Variants in MAF observed in about 807,000 individuals in gnomAD.
MAF encodes transcription factor Maf.
Under a neutral mutation model 22.0 loss-of-function variants are expected in MAF, and 10 were observed. That is an observed-to-expected ratio of 0.45 (90% CI 0.28 to 0.77). The LOEUF (loss-of-function observed/expected upper bound fraction) is 0.77. Among genes scored for constraint, MAF ranks in the 30% least tolerant of loss-of-function variants. MAF has a pLI of 0.12. For synonymous variants in MAF, 337 were observed against 255.8 expected (o/e 1.32, Z -3.03); for missense variants, 544 against 548.4 (o/e 0.99, Z 0.08).
the MAF span, among the ~76,000 whole-genome samples, chr16:79,538,538 C>G: frequency 0.12 from 17,551 of 152,220 alleles, 1,145 homozygotes; most frequent in South Asian, 0.17. Context: ...AACCTGACTA[C>G]ACTTTATTTA....
the MAF span, among the ~76,000 whole-genome samples, chr16:79,460,904 A>T: frequency 1.3e-5 from 2 of 152,200 alleles, no homozygotes; most frequent in Non-Finnish European, 2.9e-5. Context: ...ATTTCACAAC[A>T]TAAAAACATT....
the MAF span, among the ~76,000 whole-genome samples, chr16:79,265,217 T>G: frequency 6.6e-6 from 1 of 152,204 alleles, no homozygotes; most frequent in Non-Finnish European, 1.5e-5. Context: ...TTCCCCCTGT[T>G]TAATCTAAAT....
At chr16:79,222,576 G>C in the MAF span, among the ~76,000 whole-genome samples, 2 of 151,974 alleles carry the variant, frequency 1.3e-5, no homozygotes, top group Non-Finnish European at 2.9e-5. Context: ...AAAAGACACA[G>C]ACTGGCAAAT....
chr16:79,408,773 T>G, the MAF span, among the ~76,000 whole-genome samples: 1 of 151,902 alleles, frequency 6.6e-6, no homozygotes, highest in Non-Finnish European at 1.5e-5. Context: ...TTCCAGAAAC[T>G]AAACTAGATA....
intron 1 of MAF, chr16:79,597,218 C>T (rs1348365342): frequency 9.5e-6 from 10 of 1,052,332 alleles, no homozygotes; most frequent in Non-Finnish European, 1.0e-5. Flanking sequence ...GCTAAACAGA[C>T]CTAACTCTTT....
chr16:79,445,425 C>A, the MAF span, among the ~76,000 whole-genome samples: 2 of 152,178 alleles, frequency 1.3e-5, no homozygotes, highest in African/African-American at 4.8e-5. Context: ...TTTACAAGAA[C>A]CCTTTTTACA....
the MAF span, among the ~76,000 whole-genome samples, chr16:79,569,290 T>C: frequency 6.6e-6 from 1 of 152,150 alleles, no homozygotes; most frequent in Non-Finnish European, 1.5e-5. Context: ...CTGCCTTGAG[T>C]CTTGGCAACC....
At chr16:79,346,492 T>C in the MAF span, among the ~76,000 whole-genome samples, 2 of 152,108 alleles carry the variant, frequency 1.3e-5, no homozygotes, top group African/African-American at 4.8e-5. Flanking sequence ...TCATTCTTTG[T>C]CTAACGGCAA....
the MAF span, among the ~76,000 whole-genome samples, chr16:79,232,602 G>A: frequency 2.6e-5 from 4 of 151,984 alleles, no homozygotes; most frequent in Non-Finnish European, 5.9e-5. Flanking sequence ...CTTCCTGCCT[G>A]ACACTCATGG....
At chr16:79,235,926 C>G in the MAF span, among the ~76,000 whole-genome samples, 2 of 151,948 alleles carry the variant, frequency 1.3e-5, no homozygotes, top group Non-Finnish European at 2.9e-5. Flanking sequence ...CAAGCCAAGC[C>G]GCCCAGAATC....
At chr16:79,317,219 C>T in the MAF span, among the ~76,000 whole-genome samples, 2 of 145,232 alleles carry the variant, frequency 1.4e-5, no homozygotes, top group Non-Finnish European at 3.0e-5. Context: ...CTCTTTTCTT[C>T]CATCTCTCCC....
chr16:79,344,739 T>C, the MAF span, among the ~76,000 whole-genome samples: 63,207 of 151,986 alleles, frequency 0.42, 13,795 homozygotes, highest in Non-Finnish European at 0.46. Flanking sequence ...TCCTGTTTAT[T>C]TATATTAGGT....
intron 1 of MAF, chr16:79,586,055 C>A (rs1181777156): frequency 1.8e-6 from 1 of 552,636 alleles, no homozygotes; most frequent in East Asian, 3.1e-5. Flanking sequence ...CAGAATTACA[C>A]CAAAAGAAGA....
At chr16:79,288,379 C>T in the MAF span, among the ~76,000 whole-genome samples, 7 of 152,160 alleles carry the variant, frequency 4.6e-5, no homozygotes, top group Non-Finnish European at 8.8e-5. Flanking sequence ...ACATAAGAAT[C>T]CCGAGGCTGC....
the MAF span, among the ~76,000 whole-genome samples, chr16:79,467,514 C>T: frequency 5.0e-4 from 76 of 152,230 alleles, no homozygotes; most frequent in African/African-American, 1.6e-3. Flanking sequence ...GTAATTTGTC[C>T]GAAACCATAC....
At chr16:79,204,701 A>AAGTT in the MAF span, 1 of 152,222 alleles carries the variant, frequency 6.6e-6, no homozygotes, top group Non-Finnish European at 1.5e-5. Context: ...CTGATAGCCC[A>AAGTT]AGTTAACATC....
At chr16:79,212,020 T>C in the MAF span, 3 of 1,536,268 alleles carry the variant, frequency 2.0e-6, no homozygotes, top group Non-Finnish European at 2.6e-6. Flanking sequence ...ATAGGTCTCT[T>C]TGCTTTCTGG....
At chr16:79,314,437 G>C in the MAF span, among the ~76,000 whole-genome samples, 1 of 152,170 alleles carries the variant, frequency 6.6e-6, no homozygotes, top group Admixed American at 6.5e-5. Flanking sequence ...GTTGCAGTGA[G>C]GCAGCTGGCC....
chr16:79,572,471 A>G, the MAF span, among the ~76,000 whole-genome samples: 1 of 152,212 alleles, frequency 6.6e-6, no homozygotes, highest in African/African-American at 2.4e-5. Context: ...GCCTTAATTC[A>G]ATTAACGCAC....
Sources: allele counts gnomAD v4.1 joint callset (sites outside exome capture counted in the v4.1 genomes callset), GRCh38; gene constraint gnomAD v4.1.1; transcripts MANE v1.5; gene names NCBI Gene and HGNC (gene_info 2026-07-23, HGNC 2026-07-21).